The following TXLNA variants were observed in gnomAD, a reference collection of about 807,000 sequenced individuals.
TXLNA encodes the protein alpha-taxilin.
TXLNA carries 9 observed loss-of-function variants against 61.4 expected under a neutral mutation model. That is an observed-to-expected ratio of 0.15 (90% CI 0.09 to 0.26). The LOEUF is 0.26. TXLNA is among the 10% of genes least tolerant of loss of function. The pLI, the probability that TXLNA is intolerant of heterozygous loss-of-function variation, is 1.00. For missense variants in TXLNA, 565 were observed against 688.8 expected, an observed-to-expected ratio of 0.82 and a Z score of 2.01; for synonymous variants, 257 against 267.7, an observed-to-expected ratio of 0.96 and a Z score of 0.39.
At chr1:32,182,702 A>T (rs1360579270) in intron 3 of TXLNA, among the ~76,000 whole-genome samples, 1 of 151,288 alleles carries the variant, frequency 6.6e-6, no homozygotes, top group African/African-American at 2.4e-5. Flanking sequence ...GTCGAGTGTC[A>T]TTATATCCAT....
At chr1:32,180,992 A>C (rs988370101) in intron 2 of TXLNA, among the ~76,000 whole-genome samples, 1 of 152,224 alleles carries the variant, frequency 6.6e-6, no homozygotes, top group African/African-American at 2.4e-5. Flanking sequence ...GTCATTTTAC[A>C]AGTAAACAGA....
intron 8 of TXLNA, 61 bp from the exon 9 acceptor site, chr1:32,193,147 G>T: frequency 9.0e-7 from 1 of 1,107,306 alleles, no homozygotes; most frequent in Non-Finnish European, 1.4e-6. Flanking sequence ...GTCTGAGTGT[G>T]TTGACCAGAG....
Position 32,195,268 on chromosome 1 carries a change from G to A in TXLNA, c.*73G>A. ...GGCCTGGCCCATAAAAGGCTCCCAT[G>A]CTGAGCAGCCCATTGCTGAAGCCAG... On this transcript the variant is annotated 3_prime_UTR_variant, in exon 11 of 11. Coordinates refer to ENST00000373610, the MANE Select transcript of TXLNA (RefSeq NM_175852.4). 14 of 1,470,336 alleles carry A rather than the reference G, an allele frequency of 9.5e-6. No homozygotes were observed. In the South Asian group the frequency reaches 1.8e-4, roughly 19 times the overall value. 91.1% of individuals were successfully genotyped at this position (1,470,336 alleles called of 1,614,324 possible).
chr1:32,185,933 C>T (rs936397610), intron 4 of TXLNA, among the ~76,000 whole-genome samples: 9 of 151,778 alleles, frequency 5.9e-5, no homozygotes, highest in Non-Finnish European at 1.2e-4. Flanking sequence ...CTCTTGGCCT[C>T]GTGATCCGCC....
At chr1:32,194,286 G>A (rs144921915) in intron 10 of TXLNA, 126 bp downstream of exon 10, 5 of 767,154 alleles carry the variant, frequency 6.5e-6, no homozygotes, top group Middle Eastern at 3.9e-4. Context: ...TGCACACAAT[G>A]TCCAAGTCCA....
chr1:32,190,356 T>TTCC (rs10551696), intron 6 of TXLNA, 107 bp downstream of exon 6: 5 of 1,036,648 alleles, frequency 4.8e-6, no homozygotes, highest in Non-Finnish European at 6.8e-6. Flanking sequence ...TCTCCCTTTC[T>TTCC]TCCTCCTCCT....
chr1:32,181,067 C>G (rs1428648419), intron 2 of TXLNA, among the ~76,000 whole-genome samples, 175 bp from the exon 3 acceptor site: 1 of 152,142 alleles, frequency 6.6e-6, no homozygotes, highest in Non-Finnish European at 1.5e-5. Flanking sequence ...AATCTAAATT[C>G]TGACAGGAAC....
rs143335128 is a variant in TXLNA, at chr1:32,190,868, G to A, written c.963+619G>A. Among the ~76,000 whole-genome samples, 754 of 151,942 alleles carry A rather than the reference G, an allele frequency of 5.0e-3. 3 individuals are homozygous for A. The highest frequency in any genetic ancestry group is 8.1e-3 in the Non-Finnish European group (551 of 67,922). ...AACACTTTGGGAGGCCAAAGCGGGC[G>A]GATCACCTGAGGTCAGGAGTTCAAG... On this transcript the variant is annotated intron_variant, in intron 6 of 10. Transcript: ENST00000373610.
At chr1:32,180,559 T>G (rs762628953) in intron 2 of TXLNA, 45 bp downstream of exon 2, 1 of 1,543,872 alleles carries the variant, frequency 6.5e-7, no homozygotes, top group Non-Finnish European at 8.7e-7. Context: ...GGAGGAGCTG[T>G]GGGGTCGGCC....
In TXLNA at chr1:32,194,962, C is replaced by A; in HGVS notation, c.1408C>A (p.Leu470Met). Reference protein sequence around the residue: ...LQVKIQRLEKLCRALQTERND... With the variant: ...LQVKIQRLEKMCRALQTERND... ...GGTAAAAATCCAACGGCTGGAGAAG[C>A]TGTGCCGGGCACTGCAGACAGAGCG... The change falls in exon 11 of 11, where the codon CTG becomes ATG. Residue 470 changes from leucine (L) to methionine (M), a missense_variant. This residue lies in a region of TXLNA where 373 missense variants were observed against 504.0 expected (regional missense o/e 0.74). Transcript: ENST00000373610. The A allele has an allele frequency of 6.2e-7, 1 of 1,614,012 alleles. No individual in the cohort carries two copies. Among genetic ancestry groups the A allele is most frequent in the Non-Finnish European group, 8.5e-7 (1 of 1,179,964 alleles).
intron 4 of TXLNA, among the ~76,000 whole-genome samples, chr1:32,185,467 G>T (rs1245626394): frequency 6.7e-6 from 1 of 149,868 alleles, no homozygotes; most frequent in Non-Finnish European, 1.5e-5. Context: ...ATCTCGGCTC[G>T]CTGCAAGCTC....
In TXLNA at chr1:32,190,043, T is replaced by C. The variant is rs1642870557; in HGVS notation, c.769-12T>C. 6.4e-7 allele frequency: 1 copy of C among 1,552,756 alleles called. No individual in the cohort carries two copies. The highest frequency in any genetic ancestry group is 1.9e-5 in the Admixed American group (1 of 51,908). The stretch of plus-strand genomic sequence containing the variant: ...AGTGGATGATGGCTCTCGGGCTGAC[T>C]TCTTTGCCCAGGAAGAAGGTGTGCA... On this transcript the variant is annotated splice_polypyrimidine_tract_variant and intron_variant, in intron 5 of 10. Coordinates refer to ENST00000373610, the MANE Select transcript of TXLNA (RefSeq NM_175852.4).
intron 10 of TXLNA, 68 bp downstream of exon 10, chr1:32,194,228 ATG>A (rs1354194986): frequency 2.7e-5 from 35 of 1,284,996 alleles, no homozygotes; most frequent in Non-Finnish European, 3.7e-5. Flanking sequence ...CCTTTCCTGT[ATG>A]TTCTACCCAT....
Position 32,195,305 on chromosome 1 carries a change from C to A in TXLNA, c.*110C>A. On this transcript the variant is annotated 3_prime_UTR_variant, in exon 11 of 11. Transcript: ENST00000373610. ...ATTGCTGAAGCCAGGATGTTCTGAC[C>A]TGGCTGGCATCTGGCACTTGCAATT... is the stretch of plus-strand genomic sequence containing the variant. 7.6e-7 allele frequency: 1 copy of A among 1,322,066 alleles called. No individual in the cohort carries two copies. The highest frequency in any genetic ancestry group is 1.0e-6 in the Non-Finnish European group (1 of 979,854). 81.9% of individuals were successfully genotyped at this position (1,322,066 alleles called of 1,614,324 possible). A position where few individuals can be genotyped will look rare whatever the true frequency, so the allele number is the denominator to read the frequency against.
rs778875906 is a variant in TXLNA, at chr1:32,184,610, T to C, written c.591T>C (p.Ala197=). Residue 197 remains alanine (A), a synonymous_variant, in exon 4 of 11, where the codon GCT becomes GCC. Transcript: ENST00000373610. ...EKLAALCKKY[A]ELLEEHRNSQ... is the part of the protein sequence containing the mutation. ...TGGCTGCTCTGTGCAAGAAGTATGC[T>C]GAACTGGTCAGTTCCCCCCTCCGCG... 5 of 1,605,668 alleles carry C rather than the reference T, an allele frequency of 3.1e-6. No individual in the cohort carries two copies. Among genetic ancestry groups the C allele is most frequent in the Non-Finnish European group, 3.4e-6 (4 of 1,173,212 alleles).
At chr1:32,189,921 C>G in intron 5 of TXLNA, 134 bp from the exon 6 acceptor site, 1 of 891,300 alleles carries the variant, frequency 1.1e-6, no homozygotes. Context: ...CCGCATTGCA[C>G]AACATCCTGG....
intron 1 of TXLNA, 140 bp from the exon 2 acceptor site, chr1:32,180,174 A>G (rs981447912): frequency 1.2e-6 from 1 of 852,788 alleles, no homozygotes; most frequent in Non-Finnish European, 1.7e-6. Flanking sequence ...CGCCAAGACC[A>G]GAGAGCCGTT....
At chr1:32,188,911 G>C (rs911389041) in intron 5 of TXLNA, among the ~76,000 whole-genome samples, 3 of 152,144 alleles carry the variant, frequency 2.0e-5, no homozygotes, top group Non-Finnish European at 2.9e-5. Context: ...CTGCTTCTAT[G>C]GTGAGGTCAG....
Position 32,180,595 on chromosome 1 carries a change from C to T in TXLNA, c.169+81C>T, listed in dbSNP as rs545928274. On this transcript the variant is annotated intron_variant, in intron 2 of 10. Transcript: ENST00000373610. ...TCGCTTCTGGACTTACAGGCCGAGG[C>T]CAGGTTGTCCGGGAGGAGGAGATGT... is the stretch of plus-strand genomic sequence containing the variant. 412 of 1,469,312 alleles carry T rather than the reference C, an allele frequency of 2.8e-4. 1 individual carries two copies. In the African/African-American group the frequency reaches 5.3e-3, roughly 19 times the overall value. The allele number at this position is 1,469,312 out of a possible 1,614,324, so 91.0% of individuals were successfully genotyped here. A position where few individuals can be genotyped will look rare whatever the true frequency, so the allele number is the denominator to read the frequency against.
Sources: gnomAD v4.1 joint callset for allele counts (sites outside exome capture counted in the v4.1 genomes callset) on GRCh38, gnomAD v4.1.1 for gene constraint, gnomAD v4.1.1 regional missense constraint, MANE v1.5 for transcripts, NCBI Gene and HGNC (gene_info 2026-07-23, HGNC 2026-07-21) for gene names.